Variants in VWA2 observed in about 807,000 individuals in gnomAD.
VWA2 encodes the protein von Willebrand factor A domain containing 2.
VWA2 carries 73 observed loss-of-function variants against 70.4 expected under a neutral mutation model. That is an observed-to-expected ratio of 1.04 (90% CI 0.86 to 1.26). The LOEUF is 1.26. Ranked by LOEUF, VWA2 falls within the 50% of genes most tolerant of loss-of-function variation. The probability of loss-of-function intolerance (pLI) is 0.00; values close to 1 mark genes in which losing one functional copy is unlikely to be tolerated. For missense variants in VWA2, 1,011 were observed against 998.5 expected, an observed-to-expected ratio of 1.01 and a Z score of -0.17; for synonymous variants, 407 against 423.3, an observed-to-expected ratio of 0.96 and a Z score of 0.47.
intron 8 of VWA2, among the ~76,000 whole-genome samples, chr10:114,279,078 G>T (rs533567863): frequency 3.3e-5 from 5 of 152,174 alleles, no homozygotes; most frequent in African/African-American, 4.8e-5. Flanking sequence ...AGCACTGGTG[G>T]CAGGGTCACA....
At chr10:114,257,624 T>C (rs567016044) in intron 4 of VWA2, among the ~76,000 whole-genome samples, 1 of 152,200 alleles carries the variant, frequency 6.6e-6, no homozygotes, top group Non-Finnish European at 1.5e-5. Context: ...GCCATTTGTC[T>C]TGACCCTCAG....
At chr10:114,290,467 C>A in intron 13 of VWA2, 102 bp downstream of exon 13, 5 of 1,468,230 alleles carry the variant, frequency 3.4e-6, no homozygotes, top group South Asian at 2.6e-5. Context: ...AACATTCGTT[C>A]AGTGGAAGAA....
Position 114,292,088 on chromosome 10 carries a change from C to A in VWA2, c.*851C>A, listed in dbSNP as rs916716681. 6.6e-6 allele frequency among the ~76,000 whole-genome samples: 1 copy of A among 151,990 alleles called. No homozygotes were observed. ...GGTCAGGAGTTTGAGACCAGCCTGG[C>A]CAACGTGGTGAAAGTTTGTCTTTAC... is the stretch of plus-strand genomic sequence containing the variant. On this transcript the variant is annotated 3_prime_UTR_variant, in exon 14 of 14. Transcript: ENST00000392982.
intron 6 of VWA2, among the ~76,000 whole-genome samples, chr10:114,277,507 A>G (rs1270491637): frequency 6.6e-6 from 1 of 152,102 alleles, no homozygotes; most frequent in Non-Finnish European, 1.5e-5. Context: ...TCTTAAAATG[A>G]GGTTTCTCAA....
Position 114,290,248 on chromosome 10 carries a change from C to G in VWA2, c.2131C>G (p.Gln711Glu). Residue 711 changes from glutamine to glutamate, a missense_variant, in exon 13 of 14, where the codon CAG (glutamine) becomes GAG (glutamate). Coordinates refer to ENST00000392982, the MANE Select transcript of VWA2 (RefSeq NM_001272046.2). ...GGTGTTCTCCATTGTAGAAGCCAAG[C>G]AGCCAGTCAACCTCTGCAAACCCAG... ...LIEWLCGEAK[Q>E]PVNLCKPSPC... 1.3e-6 allele frequency: 2 copies of G among 1,550,466 alleles called. No homozygotes were observed. Among genetic ancestry groups the G allele is most frequent in the South Asian group, 1.2e-5 (1 of 84,044 alleles).
intron 4 of VWA2, among the ~76,000 whole-genome samples, chr10:114,256,196 A>G (rs2037323777): frequency 6.6e-6 from 1 of 152,242 alleles, no homozygotes; most frequent in Non-Finnish European, 1.5e-5. Context: ...ACTGTAAAAT[A>G]TTTCAGGCAA....
chr10:114,286,022 C>A lies in VWA2; in HGVS notation c.1081C>A (p.Arg361=), dbSNP rs763733446. The A allele has an allele frequency of 1.2e-6, 2 of 1,614,080 alleles. No individual in the cohort carries two copies. Among genetic ancestry groups the A allele is most frequent in the South Asian group, 1.1e-5 (1 of 91,066 alleles). Residue 361 remains arginine (R), a synonymous_variant, in exon 11 of 14, where the codon CGG becomes AGG. Coordinates refer to ENST00000392982, the MANE Select transcript of VWA2 (RefSeq NM_001272046.2). ...SAGTTLDGFL[R]AKVFVKRFVR... is the part of the protein sequence containing the mutation. Reference sequence around the variant, plus strand: ...GGGCACCACTCTGGACGGCTTCCTGCGGGCCAAAGTCTTCGTGAAGCGGTT... The same window carrying A: ...GGGCACCACTCTGGACGGCTTCCTGAGGGCCAAAGTCTTCGTGAAGCGGTT...
rs374045265 is a variant in VWA2 at position 114,278,863 on chromosome 10, C to T, written c.833+12C>T. The T allele has an allele frequency of 5.2e-4, 836 of 1,612,278 alleles. No individual in the cohort carries two copies. Among genetic ancestry groups the T allele is most frequent in the Non-Finnish European group, 6.5e-4 (769 of 1,179,928 alleles). On this transcript the variant is annotated intron_variant, in intron 8 of 13. Coordinates refer to ENST00000392982, the MANE Select transcript of VWA2 (RefSeq NM_001272046.2). Reference sequence around the variant, plus strand: ...TGTCCCTTCTACAGGTTTGTCTGCGCGGTCTGGGCTCGGCCTGGGTGGAGA... The same window carrying T: ...TGTCCCTTCTACAGGTTTGTCTGCGTGGTCTGGGCTCGGCCTGGGTGGAGA...
At chr10:114,245,255 G>A (rs1361914889) in intron 1 of VWA2, among the ~76,000 whole-genome samples, 1 of 152,184 alleles carries the variant, frequency 6.6e-6, no homozygotes, top group Non-Finnish European at 1.5e-5. Context: ...GGCACATAGT[G>A]GATCGAGATC....
intron 6 of VWA2, among the ~76,000 whole-genome samples, chr10:114,276,271 C>T (rs2037839219): frequency 6.6e-6 from 1 of 152,146 alleles, no homozygotes. Context: ...CTCACTGGTT[C>T]TCAACGTGTG....
At chr10:114,258,161 A>T (rs2037369742) in intron 4 of VWA2, among the ~76,000 whole-genome samples, 1 of 152,178 alleles carries the variant, frequency 6.6e-6, no homozygotes, top group Non-Finnish European at 1.5e-5. Context: ...AAGATGGTTT[A>T]TTCTGACTTG....
At chr10:114,259,969 G>A (rs2133324007) in intron 4 of VWA2, among the ~76,000 whole-genome samples, 1 of 152,312 alleles carries the variant, frequency 6.6e-6, no homozygotes, top group South Asian at 2.1e-4. Flanking sequence ...GGTGTGGCAG[G>A]GCGTTTCCAT....
Position 114,253,871 on chromosome 10 carries a change from G to A in VWA2, c.127+146G>A, listed in dbSNP as rs1484892092. On this transcript the variant is annotated intron_variant, in intron 3 of 13. Coordinates refer to ENST00000392982, the MANE Select transcript of VWA2 (RefSeq NM_001272046.2). ...GGCCAGAGTCATTTTCCCCAAACAG[G>A]GACCTGACCAAATCACTTGGTTTAA... is the stretch of plus-strand genomic sequence containing the variant. 14 of 760,362 alleles carry A rather than the reference G, an allele frequency of 1.8e-5. No individual in the cohort carries two copies. The East Asian group carries it at 3.6e-4, about 20-fold the overall frequency. 47.1% of individuals were successfully genotyped at this position (760,362 alleles called of 1,614,324 possible).
rs1027498675 is a variant in VWA2 at position 114,293,309 on chromosome 10, G to C, written c.*2072G>C. Among the ~76,000 whole-genome samples, 4 of 152,216 alleles carry C rather than the reference G, an allele frequency of 2.6e-5. No homozygotes were observed. The highest frequency in any genetic ancestry group is 9.6e-5 in the African/African-American group (4 of 41,458). ...GTCATAGAAATTACATGAATGCATT[G>C]TCTTTAAATAGCAGTTTAACCATGT... is the stretch of plus-strand genomic sequence containing the variant. On this transcript the variant is annotated 3_prime_UTR_variant, in exon 14 of 14. Coordinates refer to ENST00000392982, the MANE Select transcript of VWA2 (RefSeq NM_001272046.2).
At chr10:114,242,038 C>T (rs1018706788) in intron 1 of VWA2, among the ~76,000 whole-genome samples, 1 of 151,882 alleles carries the variant, frequency 6.6e-6, no homozygotes, top group African/African-American at 2.4e-5. Context: ...CTTTGTGTGA[C>T]CTTTCGTCTT....
chr10:114,244,376 G>A (rs2037026616), intron 1 of VWA2, among the ~76,000 whole-genome samples: 1 of 152,174 alleles, frequency 6.6e-6, no homozygotes, highest in African/African-American at 2.4e-5. Flanking sequence ...GCTTCCCCCA[G>A]AACCGGGAAG....
intron 8 of VWA2, chr10:114,281,681 T>C (rs1409111789): frequency 2.1e-6 from 2 of 967,124 alleles, no homozygotes; most frequent in Non-Finnish European, 1.2e-6. Context: ...GACCAGATAG[T>C]AGCAGCACAC....
At chr10:114,243,142 A>G (rs1295975367) in intron 1 of VWA2, among the ~76,000 whole-genome samples, 1 of 152,214 alleles carries the variant, frequency 6.6e-6, no homozygotes, top group African/African-American at 2.4e-5. Flanking sequence ...CAAAACAAAC[A>G]TGAACTCTCT....
At chr10:114,257,043 A>T (rs1208787278) in intron 4 of VWA2, among the ~76,000 whole-genome samples, 1 of 152,246 alleles carries the variant, frequency 6.6e-6, no homozygotes, top group African/African-American at 2.4e-5. Context: ...GATTAATCCT[A>T]GTTAAAACCT....
Sources: gnomAD v4.1 joint callset for allele counts (sites outside exome capture counted in the v4.1 genomes callset) on GRCh38, gnomAD v4.1.1 for gene constraint, MANE v1.5 for transcripts, NCBI Gene and HGNC (gene_info 2026-07-23, HGNC 2026-07-21) for gene names.